Variants in NOL10 observed in about 807,000 individuals in gnomAD.
NOL10 encodes the protein H_NH0074G24.1.
A neutral mutation model predicts 103.5 loss-of-function variants in NOL10; 58 were observed. That is an observed-to-expected ratio of 0.56 (90% CI 0.45 to 0.70). The LOEUF (loss-of-function observed/expected upper bound fraction) is 0.70, where lower values mean the gene tolerates loss of function less well. Among genes scored for constraint, NOL10 ranks in the 30% least tolerant of loss-of-function variants. NOL10 has a pLI of 0.00. For synonymous variants in NOL10, 287 were observed against 282.5 expected (o/e 1.02, Z -0.16); for missense variants, 763 against 807.3 (o/e 0.95, Z 0.67).
chr2:10,639,128 A>G (rs1318689725), intron 13 of NOL10, among the ~76,000 whole-genome samples: 1 of 151,694 alleles, frequency 6.6e-6, no homozygotes, highest in African/African-American at 2.4e-5. Context: ...ATTCTTCTAA[A>G]TCAAACAGCT....
chr2:10,623,203 T>C (rs1164388639), intron 13 of NOL10, among the ~76,000 whole-genome samples: 9 of 96,418 alleles, frequency 9.3e-5, no homozygotes. Context: ...CCACTCTAGT[T>C]AAAGCAAAAG....
chr2:10,657,759 T>G lies in NOL10; in HGVS notation c.889A>C (p.Met297Leu), dbSNP rs1275927477. Residue 297 changes from methionine (M) to leucine (L), a missense_variant, in exon 11 of 21, where the codon ATG becomes CTG. Transcript: ENST00000381685. ...ILSADSRIVK[M>L]WNKNSGKIFT... ...ATACATACGGAGTTCTTATTCCACA[T>G]CTTGACAATTCGAGAGTCAGCAGAC... 1.3e-6 allele frequency: 2 copies of G among 1,550,780 alleles called. No homozygotes were observed. Among genetic ancestry groups the G allele is most frequent in the Non-Finnish European group, 1.7e-6 (2 of 1,146,706 alleles).
At chr2:10,601,055 T>C in intron 16 of NOL10, 113 bp from the exon 17 acceptor site, 1 of 626,610 alleles carries the variant, frequency 1.6e-6, no homozygotes, top group Admixed American at 3.3e-5. Flanking sequence ...AGGAGATAAC[T>C]AATTCTTATT....
intron 1 of NOL10, among the ~76,000 whole-genome samples, chr2:10,687,496 C>A (rs1348642233): frequency 7.9e-5 from 12 of 152,172 alleles, no homozygotes; most frequent in Non-Finnish European, 1.3e-4. Flanking sequence ...TGCCTCAGGT[C>A]CTCAGCCTAG....
chr2:10,587,080 T>C lies in NOL10; in HGVS notation c.1844+1963A>G, dbSNP rs182397257. Among the ~76,000 whole-genome samples the C allele has an allele frequency of 7.5e-3, 348 of 46,120 alleles. 88 individuals are homozygous for C. Among genetic ancestry groups the C allele is most frequent in the African/African-American group, 0.025 (300 of 11,908 alleles). 30.3% of individuals were successfully genotyped at this position (46,120 alleles called of 152,430 possible). A position where few individuals can be genotyped will look rare whatever the true frequency, so the allele number is the denominator to read the frequency against. ...ACATATATATATACATATATATACA[T>C]ATATATACATATATATACACATATA... On this transcript the variant is annotated intron_variant, in intron 19 of 20. Transcript: ENST00000381685.
chr2:10,622,161 T>C (rs1481768166), intron 13 of NOL10: 1 of 355,664 alleles, frequency 2.8e-6, no homozygotes, highest in South Asian at 1.7e-5. Flanking sequence ...CTGGAAAATG[T>C]AGATGGTAAA....
intron 12 of NOL10, among the ~76,000 whole-genome samples, chr2:10,651,671 T>C (rs1295544411): frequency 1.3e-5 from 2 of 152,084 alleles, no homozygotes; most frequent in African/African-American, 4.8e-5. Flanking sequence ...CTTCAAACTG[T>C]CACTCCCCCA....
rs1207605410 is a variant in NOL10 at position 10,588,602 on chromosome 2, G to A, written c.1844+441C>T. On this transcript the variant is annotated intron_variant, in intron 19 of 20. Transcript: ENST00000381685. Reference sequence around the variant, plus strand: ...GAAGCAGAAAAGTTGTCATCTCCTAGCAACCACTGTCCAAAAGGCTTCAAA... The same window carrying A: ...GAAGCAGAAAAGTTGTCATCTCCTAACAACCACTGTCCAAAAGGCTTCAAA... 3.9e-5 allele frequency among the ~76,000 whole-genome samples: 6 copies of A among 152,120 alleles called. No individual in the cohort carries two copies. The East Asian group carries it at 1.2e-3, about 29-fold the overall frequency.
chr2:10,589,009 C>G (rs1675259175), intron 19 of NOL10, 34 bp downstream of exon 19: 3 of 1,608,826 alleles, frequency 1.9e-6, no homozygotes, highest in South Asian at 2.2e-5. Flanking sequence ...GGCTTGGTTA[C>G]ATGTCAACTG....
At chr2:10,669,378 C>T (rs1405307031) in intron 6 of NOL10, among the ~76,000 whole-genome samples, 1 of 150,544 alleles carries the variant, frequency 6.6e-6, no homozygotes, top group Non-Finnish European at 1.5e-5. Flanking sequence ...CATGAGCCAC[C>T]ATGCCCAGCC....
chr2:10,653,102 A>G (rs1679588287), intron 12 of NOL10, among the ~76,000 whole-genome samples: 1 of 151,136 alleles, frequency 6.6e-6, no homozygotes, highest in Non-Finnish European at 1.5e-5. Flanking sequence ...AGGCTGAGGC[A>G]TGAGAATCGC....
Position 10,668,668 on chromosome 2 carries a change from T to C in NOL10, c.520A>G (p.Thr174Ala). Reference protein sequence around the residue: ...EQGRYLNPLQTDAAENNVCDI... With the variant: ...EQGRYLNPLQADAAENNVCDI... ...ACTAAAACTACTCACGCAGCATCAG[T>C]TTGTAGAGGATTCAGGTATCGTCCT... Residue 174 changes from threonine (T) to alanine (A), a missense_variant, in exon 7 of 21, where the codon ACT becomes GCT. By Grantham distance (58) the Thr-to-Ala change is moderately conservative. Coordinates refer to ENST00000381685, the MANE Select transcript of NOL10 (RefSeq NM_024894.4). The C allele has an allele frequency of 6.5e-7, 1 of 1,536,214 alleles. No individual in the cohort carries two copies. Among genetic ancestry groups the C allele is most frequent in the Non-Finnish European group, 8.9e-7 (1 of 1,126,266 alleles).
intron 16 of NOL10, among the ~76,000 whole-genome samples, 199 bp downstream of exon 16, chr2:10,602,577 C>T (rs75647759): frequency 2.5e-3 from 387 of 152,162 alleles, no homozygotes; most frequent in Middle Eastern, 3.4e-3. Context: ...GGTCATAATG[C>T]GAAAATTGTA....
intron 19 of NOL10, among the ~76,000 whole-genome samples, chr2:10,580,279 C>T (rs1272706687): frequency 6.6e-6 from 1 of 152,206 alleles, no homozygotes; most frequent in African/African-American, 2.4e-5. Context: ...ACACTGCATG[C>T]GCTTCTCAGC....
intron 13 of NOL10, among the ~76,000 whole-genome samples, chr2:10,633,901 A>C (rs1005699323): frequency 2.0e-5 from 3 of 152,018 alleles, no homozygotes; most frequent in South Asian, 2.1e-4. Context: ...GTCATAGCTT[A>C]CTGTAGCCTC....
At chr2:10,614,095 G>A (rs920197478) in intron 13 of NOL10, among the ~76,000 whole-genome samples, 4 of 151,898 alleles carry the variant, frequency 2.6e-5, no homozygotes, top group Non-Finnish European at 5.9e-5. Context: ...TAGTAGCTGG[G>A]ACTACAGGCA....
Position 10,668,682 on chromosome 2 carries a change from A to T in NOL10, c.506T>A (p.Leu169Gln). The T allele has an allele frequency of 6.5e-7, 1 of 1,547,006 alleles. No individual in the cohort carries two copies. The highest frequency in any genetic ancestry group is 8.8e-7 in the Non-Finnish European group (1 of 1,135,870). ...YRLNLEQGRY[L>Q]NPLQTDAAEN... ...CGCAGCATCAGTTTGTAGAGGATTC[A>T]GGTATCGTCCTTGTTCTAAGTTTAA... The change falls in exon 7 of 21, where the codon CTG (leucine) becomes CAG (glutamine). Residue 169 changes from leucine (L) to glutamine (Q), a missense_variant. Leu to Gln is a moderately radical substitution (Grantham distance 113, BLOSUM62 -2). Coordinates refer to ENST00000381685, the MANE Select transcript of NOL10 (RefSeq NM_024894.4).
intron 20 of NOL10, among the ~76,000 whole-genome samples, chr2:10,574,794 C>T (rs1674368135): frequency 6.6e-6 from 1 of 152,196 alleles, no homozygotes; most frequent in African/African-American, 2.4e-5. Flanking sequence ...TTTCCCTTAT[C>T]TGTCTGATGG....
At chr2:10,644,647 A>G (rs1010924168) in intron 12 of NOL10, among the ~76,000 whole-genome samples, 2 of 152,218 alleles carry the variant, frequency 1.3e-5, no homozygotes, top group African/African-American at 4.8e-5. Flanking sequence ...TCTACACCAG[A>G]AAGTCCTAGA....
Sources: allele counts gnomAD v4.1 joint callset (sites outside exome capture counted in the v4.1 genomes callset), GRCh38; gene constraint gnomAD v4.1.1; transcripts MANE v1.5; gene names NCBI Gene and HGNC (gene_info 2026-07-23, HGNC 2026-07-21).